The following CNTN5 variants were observed in gnomAD, a reference collection of about 807,000 sequenced individuals.
CNTN5 encodes contactin-5.
CNTN5 carries 77 observed loss-of-function variants against 129.1 expected under a neutral mutation model. The ratio of observed to expected loss-of-function variants is 0.60; its 90% CI spans 0.50 to 0.72. The LOEUF (loss-of-function observed/expected upper bound fraction) is 0.72, where lower values mean the gene tolerates loss of function less well. CNTN5 is among the 30% of genes least tolerant of loss of function. The probability of loss-of-function intolerance (pLI) is 0.00; values close to 1 mark genes in which losing one functional copy is unlikely to be tolerated. For synonymous variants in CNTN5, 509 were observed against 465.6 expected (o/e 1.09, Z -1.20); for missense variants, 1,478 against 1,328.8 (o/e 1.11, Z -1.75).
At chr11:100,350,172 A>T (rs773385882) in intron 23 of CNTN5, among the ~76,000 whole-genome samples, 1 of 151,830 alleles carries the variant, frequency 6.6e-6, no homozygotes, top group African/African-American at 2.4e-5. Flanking sequence ...TATTATTGGT[A>T]TGTTTAACAA....
chr11:100,108,570 G>A (rs534828091), intron 13 of CNTN5, among the ~76,000 whole-genome samples: 1 of 152,176 alleles, frequency 6.6e-6, no homozygotes, highest in Admixed American at 6.5e-5. Context: ...ATCCTCTGAG[G>A]GAAACAAGCA....
chr11:100,186,901 T>C (rs1301310167), intron 13 of CNTN5, among the ~76,000 whole-genome samples: 1 of 152,156 alleles, frequency 6.6e-6, no homozygotes, highest in African/African-American at 2.4e-5. Flanking sequence ...GTAATGTAAA[T>C]CACATTATCT....
At chr11:99,140,014 TTTTC>T (rs1859434718) in intron 1 of CNTN5, among the ~76,000 whole-genome samples, 1 of 152,152 alleles carries the variant, frequency 6.6e-6, no homozygotes, top group Non-Finnish European at 1.5e-5. Flanking sequence ...GTCACTTTAC[TTTTC>T]TATTTTAATA....
intron 21 of CNTN5, among the ~76,000 whole-genome samples, chr11:100,312,679 A>G (rs1951492914): frequency 6.6e-6 from 1 of 152,076 alleles, no homozygotes; most frequent in Admixed American, 6.6e-5. Flanking sequence ...TCAATTTCAC[A>G]TTTTATGTAC....
At chr11:99,791,085 TTC>T (rs1945724645) in intron 3 of CNTN5, among the ~76,000 whole-genome samples, 1 of 148,786 alleles carries the variant, frequency 6.7e-6, no homozygotes, top group South Asian at 2.2e-4. Context: ...TTTTCTCCCA[TTC>T]TCTGTGTTGT....
chr11:99,531,946 G>A (rs570801113), intron 2 of CNTN5, among the ~76,000 whole-genome samples: 12 of 152,100 alleles, frequency 7.9e-5, no homozygotes, highest in African/African-American at 2.2e-4. Context: ...ATATGAGGTC[G>A]GAGAACCCAC....
At chr11:100,044,450 A>G (rs1942556821) in intron 9 of CNTN5, among the ~76,000 whole-genome samples, 1 of 151,900 alleles carries the variant, frequency 6.6e-6, no homozygotes, top group Non-Finnish European at 1.5e-5. Context: ...ATTTCTACCA[A>G]CTGTGTATAA....
intron 1 of CNTN5, among the ~76,000 whole-genome samples, chr11:99,304,832 A>C (rs1864801188): frequency 1.3e-5 from 2 of 152,198 alleles, no homozygotes; most frequent in South Asian, 2.1e-4. Flanking sequence ...CTTTGCCCAC[A>C]GAAAGAATTG....
At chr11:99,739,740 G>A (rs1343175582) in intron 3 of CNTN5, among the ~76,000 whole-genome samples, 5 of 152,038 alleles carry the variant, frequency 3.3e-5, no homozygotes. Context: ...CTTATTCTTC[G>A]TTTTTGCTTC....
intron 7 of CNTN5, among the ~76,000 whole-genome samples, chr11:99,950,230 G>A (rs1448030346): frequency 6.6e-6 from 1 of 152,132 alleles, no homozygotes; most frequent in Non-Finnish European, 1.5e-5. Flanking sequence ...TGTAATCCCA[G>A]CATTTTGGAA....
intron 3 of CNTN5, among the ~76,000 whole-genome samples, chr11:99,652,501 G>A (rs1057200949): frequency 1.3e-5 from 2 of 151,966 alleles, no homozygotes; most frequent in Admixed American, 6.6e-5. Context: ...ACCGGAAAGC[G>A]GTATTACGAA....
intron 2 of CNTN5, among the ~76,000 whole-genome samples, chr11:99,381,723 T>C (rs1940572833): frequency 1.3e-5 from 2 of 152,234 alleles, no homozygotes; most frequent in Non-Finnish European, 2.9e-5. Context: ...AGGACTCCTA[T>C]TATTAATGAA....
intron 13 of CNTN5, among the ~76,000 whole-genome samples, chr11:100,110,861 C>A (rs1316104490): frequency 1.3e-5 from 2 of 152,084 alleles, no homozygotes; most frequent in African/African-American, 2.4e-5. Flanking sequence ...AAATGGTAAG[C>A]CTCTGGTAGC....
chr11:99,678,967 C>CTCTA (rs1276657397), intron 3 of CNTN5, among the ~76,000 whole-genome samples: 4 of 144,462 alleles, frequency 2.8e-5, no homozygotes, highest in African/African-American at 1.0e-4. Flanking sequence ...CTCTCTCTCT[C>CTCTA]TATATATATA....
At chr11:99,860,007 G>A (rs1948157316) in intron 6 of CNTN5, among the ~76,000 whole-genome samples, 1 of 152,078 alleles carries the variant, frequency 6.6e-6, no homozygotes, top group African/African-American at 2.4e-5. Context: ...GCCAACATCT[G>A]TTGTTTTTGA....
chr11:99,878,840 C>T (rs1463858736), intron 6 of CNTN5, among the ~76,000 whole-genome samples: 1 of 151,942 alleles, frequency 6.6e-6, no homozygotes, highest in Admixed American at 6.6e-5. Context: ...GGCGACAGAG[C>T]GAGACTCCGT....
intron 1 of CNTN5, among the ~76,000 whole-genome samples, chr11:99,276,612 C>T (rs755271783): frequency 2.0e-5 from 3 of 151,340 alleles, no homozygotes; most frequent in Non-Finnish European, 4.4e-5. Flanking sequence ...AGAAGAATGT[C>T]TTAGAAATTT....
chr11:99,845,641 G>A (rs1055601683), intron 6 of CNTN5, among the ~76,000 whole-genome samples: 1 of 151,888 alleles, frequency 6.6e-6, no homozygotes, highest in Non-Finnish European at 1.5e-5. Flanking sequence ...CAAAGTGCTG[G>A]GATTACAGGC....
At chr11:99,318,615 G>T (rs1240721223) in intron 1 of CNTN5, among the ~76,000 whole-genome samples, 2 of 152,018 alleles carry the variant, frequency 1.3e-5, no homozygotes, top group African/African-American at 4.8e-5. Context: ...CATCTACAGG[G>T]AAGTCTGCAT....
Sources: gnomAD v4.1 joint callset for allele counts (sites outside exome capture counted in the v4.1 genomes callset) on GRCh38, gnomAD v4.1.1 for gene constraint, MANE v1.5 for transcripts, NCBI Gene and HGNC (gene_info 2026-07-23, HGNC 2026-07-21) for gene names.